CACNA1D: variants seen among roughly 807,000 people sequenced by gnomAD.
CACNA1D encodes the protein calcium voltage-gated channel subunit alpha1 D, also known as voltage-dependent L-type calcium channel subunit alpha-1D.
A neutral mutation model predicts 257.1 loss-of-function variants in CACNA1D; 55 were observed. That is an observed-to-expected ratio of 0.21 (90% confidence interval 0.17 to 0.27). The LOEUF is 0.27. Among genes scored for constraint, CACNA1D ranks in the 10% least tolerant of loss-of-function variants. The pLI, the probability that CACNA1D is intolerant of heterozygous loss-of-function variation, is 1.00. For missense variants in CACNA1D, 1,876 were observed against 2,784.0 expected (o/e 0.67, Z 7.34); for synonymous variants, 980 against 1,014.9 (o/e 0.97, Z 0.65).
rs2093377838 is a variant in CACNA1D at position 53,596,882 on chromosome 3, TCC to T, written c.484-53896_484-53895del. Among the ~76,000 whole-genome samples the T allele has an allele frequency of 2.0e-5, 3 of 152,350 alleles. No individual in the cohort carries two copies. The South Asian group carries it at 6.2e-4, about 32-fold the overall frequency. The stretch of plus-strand genomic sequence containing the variant: ...GCAATGGGAAACATACATCAATTAT[TCC>T]TCTGGATATTAGTTGCTTCAGCTCT... On this transcript the variant is annotated intron_variant, in intron 3 of 47. Transcript: ENST00000350061.
chr3:53,810,870 T>C (rs1368585068), intron 47 of CACNA1D, among the ~76,000 whole-genome samples: 8 of 151,870 alleles, frequency 5.3e-5, no homozygotes, highest in South Asian at 2.1e-4. Context: ...TTCTAGTTTA[T>C]ACTAAATGTC....
At chr3:53,509,949 G>A (rs1192314629) in intron 3 of CACNA1D, among the ~76,000 whole-genome samples, 3 of 152,198 alleles carry the variant, frequency 2.0e-5, no homozygotes, top group Non-Finnish European at 4.4e-5. Context: ...GAGACCTCCT[G>A]TGCAGAGCAC....
intron 9 of CACNA1D, among the ~76,000 whole-genome samples, chr3:53,709,008 A>C (rs2094721759): frequency 6.6e-6 from 1 of 152,056 alleles, no homozygotes; most frequent in South Asian, 2.1e-4. Flanking sequence ...TGGACTATGC[A>C]CTCTACAGCA....
intron 3 of CACNA1D, among the ~76,000 whole-genome samples, chr3:53,511,221 T>C (rs1290760465): frequency 2.0e-5 from 3 of 151,886 alleles, no homozygotes; most frequent in African/African-American, 7.3e-5. Flanking sequence ...ATCTCTGAGG[T>C]GGTTTAGAAA....
intron 14 of CACNA1D, among the ~76,000 whole-genome samples, chr3:53,724,236 A>G (rs2094909253): frequency 6.6e-6 from 1 of 152,240 alleles, no homozygotes; most frequent in Non-Finnish European, 1.5e-5. Context: ...ACAAAATAAT[A>G]AACCAAAAAA....
intron 37 of CACNA1D, 68 bp from the exon 38 acceptor site, chr3:53,779,958 C>T (rs2095417351): frequency 9.2e-7 from 1 of 1,086,774 alleles, no homozygotes; most frequent in South Asian, 1.2e-5. Context: ...GGAAAATAAA[C>T]ATCCAAAAGG....
intron 3 of CACNA1D, among the ~76,000 whole-genome samples, chr3:53,520,428 T>G (rs2091507550): frequency 6.6e-6 from 1 of 152,216 alleles, no homozygotes; most frequent in Non-Finnish European, 1.5e-5. Flanking sequence ...TTATTAGCCG[T>G]TTGTATCAAA....
intron 8 of CACNA1D, among the ~76,000 whole-genome samples, chr3:53,674,508 CTTGT>C (rs2094355100): frequency 2.0e-5 from 3 of 152,300 alleles, no homozygotes; most frequent in South Asian, 2.1e-4. Context: ...TTGAAGTTTG[CTTGT>C]TTATCACTTC....
intron 39 of CACNA1D, chr3:53,782,260 G>GTATATATA (rs1462213888): frequency 3.1e-3 from 145 of 46,246 alleles, no homozygotes; most frequent in Admixed American, 0.013. Flanking sequence ...GTGTGTGTGT[G>GTATATATA]TGTGTATATA....
intron 45 of CACNA1D, among the ~76,000 whole-genome samples, chr3:53,805,959 T>C: frequency 2.0e-5 from 2 of 101,540 alleles, no homozygotes; most frequent in East Asian, 3.4e-4. Context: ...TCTTCCCTCC[T>C]CCTCCCTCCC....
intron 3 of CACNA1D, among the ~76,000 whole-genome samples, chr3:53,644,073 T>TG (rs1431900016): frequency 6.6e-6 from 1 of 152,234 alleles, no homozygotes; most frequent in African/African-American, 2.4e-5. Flanking sequence ...CATTTATAAA[T>TG]GCGGAATATC....
chr3:53,731,877 C>T (rs1318469935), intron 17 of CACNA1D, 139 bp from the exon 18 acceptor site: 4 of 710,866 alleles, frequency 5.6e-6, no homozygotes, highest in Non-Finnish European at 1.0e-5. Context: ...GGGACATCTG[C>T]CTGTCCCTGC....
In CACNA1D at chr3:53,722,479, A is replaced by G; in HGVS notation, c.1666+5A>G. ...ATTGGTTGACACAGATTCAAGGTACAAGCAGAGGCCATTCCTTTTTTGTTC... is the reference window on the plus strand; with the variant it reads ...ATTGGTTGACACAGATTCAAGGTACGAGCAGAGGCCATTCCTTTTTTGTTC... On this transcript the variant is annotated splice_donor_5th_base_variant and intron_variant, in intron 12 of 47. Transcript: ENST00000350061. The G allele has an allele frequency of 6.2e-7, 1 of 1,614,090 alleles. No homozygotes were observed. Among genetic ancestry groups the G allele is most frequent in the South Asian group, 1.1e-5 (1 of 91,086 alleles).
At chr3:53,695,105 G>A (rs999233881) in intron 8 of CACNA1D, among the ~76,000 whole-genome samples, 23 of 152,306 alleles carry the variant, frequency 1.5e-4, no homozygotes, top group East Asian at 3.9e-4. Flanking sequence ...GTCCAAGAGC[G>A]TGCCAGGCTG....
intron 9 of CACNA1D, among the ~76,000 whole-genome samples, chr3:53,713,632 A>C (rs1009377212): frequency 1.3e-5 from 2 of 152,160 alleles, no homozygotes; most frequent in Non-Finnish European, 2.9e-5. Flanking sequence ...ATAAATGTCT[A>C]CACCTTGGTG....
intron 37 of CACNA1D, among the ~76,000 whole-genome samples, chr3:53,779,386 T>C (rs543317859): frequency 4.7e-4 from 72 of 152,068 alleles, no homozygotes; most frequent in Non-Finnish European, 5.7e-4. Flanking sequence ...ATAGGATGGA[T>C]ATGGAGGTGT....
At chr3:53,694,363 G>C (rs917775443) in intron 8 of CACNA1D, among the ~76,000 whole-genome samples, 3 of 152,220 alleles carry the variant, frequency 2.0e-5, no homozygotes, top group African/African-American at 7.2e-5. Context: ...ACCTTTCTCT[G>C]TCCTGAGTTG....
intron 8 of CACNA1D, among the ~76,000 whole-genome samples, chr3:53,691,555 TC>T (rs1263969269): frequency 2.0e-5 from 3 of 149,822 alleles, no homozygotes; most frequent in African/African-American, 7.4e-5. Flanking sequence ...AACTAACCCT[TC>T]AAAGAGAGAG....
Position 53,810,101 on chromosome 3 carries a change from C to T in CACNA1D, c.5995C>T (p.Pro1999Ser), listed in dbSNP as rs2095588694. 6.2e-7 allele frequency: 1 copy of T among 1,614,034 alleles called. No individual in the cohort carries two copies. Among genetic ancestry groups the T allele is most frequent in the Non-Finnish European group, 8.5e-7 (1 of 1,180,040 alleles). ...CCGGGACTGGACACCGTGCTACACC[C>T]CCCTGATCCAAGTGGAGCAGTCAGA... The part of the protein sequence containing the change: ...PYRDWTPCYT[P>S]LIQVEQSEAL... Residue 1999 changes from proline (P) to serine (S), a missense_variant, in exon 47 of 48, where the codon CCC becomes TCC. Transcript: ENST00000350061.
Sources: gnomAD v4.1 joint callset for allele counts (sites outside exome capture counted in the v4.1 genomes callset) on GRCh38, gnomAD v4.1.1 for gene constraint, MANE v1.5 for transcripts, NCBI Gene and HGNC (gene_info 2026-07-23, HGNC 2026-07-21) for gene names.